The following TRIM26 variants were observed in gnomAD, a reference collection of about 807,000 sequenced individuals.
TRIM26 encodes the protein tripartite motif-containing protein 26.
In TRIM26, 16 loss-of-function variants were observed where a neutral mutation model predicts 45.5. That is an observed-to-expected ratio of 0.35 (90% CI 0.24 to 0.53). The LOEUF is 0.53. Among genes scored for constraint, TRIM26 ranks in the 20% least tolerant of loss-of-function variants. TRIM26 has a pLI of 0.92. For missense variants in TRIM26, 442 were observed against 691.1 expected (o/e 0.64, Z 4.04); for synonymous variants, 273 against 290.4 (o/e 0.94, Z 0.61).
Position 30,190,452 on chromosome 6 carries a change from G to T in TRIM26, c.766-417C>A. On this transcript the variant is annotated intron_variant, in intron 6 of 9. Coordinates refer to ENST00000454678, the MANE Select transcript of TRIM26 (RefSeq NM_003449.5). This position sits in a 1 kb window ranked among gnomAD's most constrained non-coding sequence, Gnocchi z 4.3. ...GGAAACCCACCAAGGGTTTCAAGTA[G>T]GGGCATGATATGTGTGATCCGCTCT... 4.4e-6 allele frequency: 1 copy of T among 229,708 alleles called. No homozygotes were observed. The highest frequency in any genetic ancestry group is 7.2e-5 in the South Asian group (1 of 13,904). The allele number at this position is 229,708 out of a possible 1,614,324, so 14.2% of individuals were successfully genotyped here.
chr6:30,189,502 G>A lies in TRIM26; in HGVS notation c.820C>T (p.Pro274Ser). ...TTTTTTTTAACCACTCGAGCAATGG[G>A]TTTCCCAACCCAGAACTTCTTCCGT... ...YPRKKFWVGK[P>S]IARVVKKKTG... Residue 274 changes from proline to serine, a missense_variant, in exon 8 of 10, where the codon CCC becomes TCC. Coordinates refer to ENST00000454678, the MANE Select transcript of TRIM26 (RefSeq NM_003449.5). The surrounding 1 kb of genome is among the most constrained non-coding windows in gnomAD (Gnocchi z 5.0). The A allele has an allele frequency of 6.2e-7, 1 of 1,612,974 alleles. No individual in the cohort carries two copies. Among genetic ancestry groups the A allele is most frequent in the South Asian group, 1.1e-5 (1 of 91,072 alleles).
chr6:30,197,280 G>A (rs1291127702), intron 5 of TRIM26, among the ~76,000 whole-genome samples: 1 of 152,106 alleles, frequency 6.6e-6, no homozygotes, highest in Non-Finnish European at 1.5e-5. Context: ...GTCCTTTCCT[G>A]CCTCCAAATC....
chr6:30,197,549 A>G (rs1206889871), intron 5 of TRIM26, among the ~76,000 whole-genome samples: 1 of 152,160 alleles, frequency 6.6e-6, no homozygotes. Flanking sequence ...TCTCTAATCA[A>G]GTACATAATG....
intron 3 of TRIM26, among the ~76,000 whole-genome samples, chr6:30,200,393 T>C (rs1046817135): frequency 1.1e-4 from 17 of 152,250 alleles, no homozygotes; most frequent in African/African-American, 4.1e-4. Flanking sequence ...ACTGTCAGCA[T>C]TTCCCTTTGT....
intron 6 of TRIM26, among the ~76,000 whole-genome samples, chr6:30,193,251 G>A (rs1354021884): frequency 5.1e-4 from 71 of 139,694 alleles, no homozygotes; most frequent in African/African-American, 1.5e-3. Context: ...GCACAATCTC[G>A]GCTCACTGCA....
chr6:30,200,217 G>A (rs1009668054), intron 3 of TRIM26, among the ~76,000 whole-genome samples: 3 of 152,138 alleles, frequency 2.0e-5, no homozygotes, highest in African/African-American at 4.8e-5. Context: ...GGGAGGTGGA[G>A]GCTACAGTGA....
In TRIM26 at chr6:30,202,463, C is replaced by T. The variant is rs148388497; in HGVS notation, c.-265-1325G>A. ...GGGGGATGAGATAGTACCCATGGTG[C>T]CAAAGCACCAATGAATGGATTACTT... On this transcript the variant is annotated intron_variant, in intron 2 of 9. Coordinates refer to ENST00000454678, the MANE Select transcript of TRIM26 (RefSeq NM_003449.5). 1.9e-3 allele frequency among the ~76,000 whole-genome samples: 283 copies of T among 152,248 alleles called. 12 individuals are homozygous for T. The East Asian group carries it at 0.053, about 29-fold the overall frequency.
At chr6:30,188,388 C>A in intron 9 of TRIM26, 1 of 389,244 alleles carries the variant, frequency 2.6e-6, no homozygotes, top group Non-Finnish European at 4.9e-6. Context: ...TCAAGAAACC[C>A]TGAACAGGTA....
At chr6:30,211,712 C>A (rs1173178184) in intron 1 of TRIM26, among the ~76,000 whole-genome samples, 1 of 152,152 alleles carries the variant, frequency 6.6e-6, no homozygotes, top group African/African-American at 2.4e-5. Context: ...AGCACAGGAG[C>A]CAATGTGAAA....
chr6:30,191,155 A>C (rs1775786190), intron 6 of TRIM26, among the ~76,000 whole-genome samples: 2 of 152,182 alleles, frequency 1.3e-5, no homozygotes, highest in Non-Finnish European at 2.9e-5. Context: ...ATACTGGTCA[A>C]GGATAAACAA....
intron 3 of TRIM26, among the ~76,000 whole-genome samples, chr6:30,199,794 A>G (rs1263368256): frequency 2.2e-4 from 33 of 151,616 alleles, no homozygotes; most frequent in African/African-American, 8.0e-4. Flanking sequence ...CCACCACCAC[A>G]CCTGGCTAAT....
At chr6:30,187,264 C>A in intron 9 of TRIM26, 3 of 314,892 alleles carry the variant, frequency 9.5e-6, no homozygotes, top group Non-Finnish European at 2.0e-5. Context: ...CTTTTCCTTC[C>A]AAGAATCTTC....
At chr6:30,188,229 A>AAAAAAAAAAAC in intron 9 of TRIM26, 1 of 206,574 alleles carries the variant, frequency 4.8e-6, no homozygotes, top group Non-Finnish European at 1.0e-5. Context: ...AAAAAAAAAA[A>AAAAAAAAAAAC]AAAAAAAAAA....
intron 3 of TRIM26, among the ~76,000 whole-genome samples, chr6:30,199,698 G>A (rs992557930): frequency 4.0e-5 from 6 of 150,230 alleles, no homozygotes; most frequent in African/African-American, 9.8e-5. Flanking sequence ...GTGCAGTGGC[G>A]TGATCTCAGC....
Position 30,207,743 on chromosome 6 carries a change from C to T in TRIM26, c.-375-2978G>A, listed in dbSNP as rs1777864422. 6.6e-6 allele frequency among the ~76,000 whole-genome samples: 1 copy of T among 152,160 alleles called. No homozygotes were observed. Among genetic ancestry groups the T allele is most frequent in the African/African-American group, 2.4e-5 (1 of 41,432 alleles). On this transcript the variant is annotated intron_variant, in intron 1 of 9. Transcript: ENST00000454678. This position sits in a 1 kb window ranked among gnomAD's most constrained non-coding sequence, Gnocchi z 4.9. ...CCCCACCTCAAACTCACAGCCAAAC[C>T]AAACCGCTCTCCATGCCTCAAAGTG...
At position 30,196,778 on chromosome 6, in the gene TRIM26, C is replaced by T. The variant is rs753992445; in HGVS notation, c.535-32G>A. On this transcript the variant is annotated intron_variant, in intron 5 of 9. Coordinates refer to ENST00000454678, the MANE Select transcript of TRIM26 (RefSeq NM_003449.5). This position sits in a 1 kb window ranked among gnomAD's most constrained non-coding sequence, Gnocchi z 4.9. The stretch of plus-strand genomic sequence containing the variant: ...GGGGCAGGAAGGGGAGAAGGGCTGA[C>T]ACCTCTGCTCAGGGTGGAGGGCCCA... 1 of 1,610,080 alleles carries T rather than the reference C, an allele frequency of 6.2e-7. No homozygotes were observed. Among genetic ancestry groups the T allele is most frequent in the Admixed American group, 1.7e-5 (1 of 59,968 alleles).
Position 30,190,557 on chromosome 6 carries a change from T to C in TRIM26, c.766-522A>G, listed in dbSNP as rs921300059. On this transcript the variant is annotated intron_variant, in intron 6 of 9. Transcript: ENST00000454678. This position sits in a 1 kb window ranked among gnomAD's most constrained non-coding sequence, Gnocchi z 4.3. ...TTTAATAATAGAACCCCCGGAGTTATTGCTGGTCAGGCGGCCACCTGGGAA... is the reference window on the plus strand; with the variant it reads ...TTTAATAATAGAACCCCCGGAGTTACTGCTGGTCAGGCGGCCACCTGGGAA... Among the ~76,000 whole-genome samples, 4 of 152,280 alleles carry C rather than the reference T, an allele frequency of 2.6e-5. No individual in the cohort carries two copies. Among genetic ancestry groups the C allele is most frequent in the East Asian group, 3.9e-4 (2 of 5,188 alleles).
In TRIM26 at chr6:30,198,069, GTC is replaced by G. The variant is rs200555706; in HGVS notation, c.534+358_534+359del. ...ACCCTCTCCACTCTCAGGCAACCTT[GTC>G]TCTCTCTCTCTCTTTGAAAGGAAGA... On this transcript the variant is annotated intron_variant, in intron 5 of 9. Transcript: ENST00000454678. The surrounding 1 kb of genome is among the most constrained non-coding windows in gnomAD (Gnocchi z 6.3). Among the ~76,000 whole-genome samples the G allele has an allele frequency of 4.0e-5, 6 of 151,658 alleles. No homozygotes were observed. Among genetic ancestry groups the G allele is most frequent in the Middle Eastern group, 3.4e-3 (1 of 290 alleles).
intron 1 of TRIM26, among the ~76,000 whole-genome samples, chr6:30,205,227 A>G (rs1251456478): frequency 6.6e-6 from 1 of 152,000 alleles, no homozygotes; most frequent in Non-Finnish European, 1.5e-5. Context: ...GGGCAACAAG[A>G]GCAAAACTCC....
Sources: allele counts gnomAD v4.1 joint callset (sites outside exome capture counted in the v4.1 genomes callset), GRCh38; gene constraint gnomAD v4.1.1; non-coding constraint Gnocchi (gnomAD v3.1); transcripts MANE v1.5; gene names NCBI Gene and HGNC (gene_info 2026-07-23, HGNC 2026-07-21).